RAD1: variants seen among roughly 807,000 people sequenced by gnomAD.
RAD1 encodes cell cycle checkpoint protein RAD1.
In RAD1, 21 loss-of-function variants were observed where a neutral mutation model predicts 30.0. The ratio of observed to expected loss-of-function variants is 0.70; its 90% CI spans 0.50 to 1.01. RAD1 has a LOEUF of 1.01. Among genes scored for constraint, RAD1 ranks in the 50% least tolerant of loss-of-function variants. RAD1 has a pLI of 0.00. For synonymous variants in RAD1, 109 were observed against 113.6 expected, an observed-to-expected ratio of 0.96 and a Z score of 0.26; for missense variants, 329 against 329.0, an observed-to-expected ratio of 1.00 and a Z score of 0.00.
Position 34,914,743 on chromosome 5 carries a change from T to A in RAD1, c.150A>T (p.Lys50Asn). Reference protein sequence around the residue: ...ATCFATKNGIKVTVENAKCVQ... With the variant: ...ATCFATKNGINVTVENAKCVQ... ...CACACTTTGCATTTTCCACTGTTACTTTGATACCATTTTTAGTTGCGAAAC... is the reference window on the plus strand; with the variant it reads ...CACACTTTGCATTTTCCACTGTTACATTGATACCATTTTTAGTTGCGAAAC... The change falls in exon 2 of 6, where the codon AAA becomes AAT. Residue 50 changes from lysine (K) to asparagine (N), a missense_variant. Lys to Asn is a moderately conservative substitution (Grantham distance 94). Transcript: ENST00000382038. 6.2e-7 allele frequency: 1 copy of A among 1,614,258 alleles called. No individual in the cohort carries two copies. The highest frequency in any genetic ancestry group is 1.1e-5 in the South Asian group (1 of 91,088).
intron 2 of RAD1, 31 bp from the exon 3 acceptor site, chr5:34,913,609 C>T (rs1763920503): frequency 7.3e-7 from 1 of 1,367,568 alleles, no homozygotes; most frequent in Non-Finnish European, 1.0e-6. Context: ...AAAATTGTTA[C>T]ATAAAAGAAT....
chr5:34,905,673 CT>C lies in RAD1; in HGVS notation c.*3091del, dbSNP rs1455233382. ...ACTTCAAAAAGACAGAACTAAAAGT[CT>C]TTAAATATAAGACTGTATTCTTCTA... On this transcript the variant is annotated 3_prime_UTR_variant, in exon 6 of 6. Coordinates refer to ENST00000382038, the MANE Select transcript of RAD1 (RefSeq NM_002853.4). The C allele has an allele frequency of 6.6e-6, 1 of 152,088 alleles. No individual in the cohort carries two copies. Among genetic ancestry groups the C allele is most frequent in the Non-Finnish European group, 1.5e-5 (1 of 68,022 alleles). The allele number at this position is 152,088 out of a possible 1,614,324, so 9.4% of individuals were successfully genotyped here.
chr5:34,913,659 G>GT (rs1418979349), intron 2 of RAD1, 81 bp from the exon 3 acceptor site: 1 of 815,214 alleles, frequency 1.2e-6, no homozygotes. Context: ...CACTTTATAC[G>GT]TTTAAAAAAT....
At chr5:34,909,977 G>A (rs1404554837) in intron 4 of RAD1, among the ~76,000 whole-genome samples, 1 of 152,082 alleles carries the variant, frequency 6.6e-6, no homozygotes, top group Non-Finnish European at 1.5e-5. Context: ...CATCTTCCAG[G>A]TGTGGTTTTC....
chr5:34,914,619 T>C, intron 2 of RAD1, 76 bp downstream of exon 2: 1 of 1,408,918 alleles, frequency 7.1e-7, no homozygotes. Context: ...TTATTTTGTC[T>C]ACTGAAACCT....
intron 4 of RAD1, among the ~76,000 whole-genome samples, chr5:34,909,989 TGG>T (rs1763780860): frequency 6.6e-6 from 1 of 152,176 alleles, no homozygotes; most frequent in South Asian, 2.1e-4. Context: ...GTGGTTTTCC[TGG>T]GGTCCATCTT....
chr5:34,908,785 C>G lies in RAD1; in HGVS notation c.829G>C (p.Val277Leu), dbSNP rs769729386. 1.2e-6 allele frequency: 2 copies of G among 1,602,820 alleles called. No homozygotes were observed. Among genetic ancestry groups the G allele is most frequent in the East Asian group, 4.5e-5 (2 of 44,742 alleles). ...CATACTCAAGACTCAGATTCAGGAA[C>G]TTCTTCATCAGGGCAGCAGTAATAT... ...VEYYCCPDEE[V>L]PESES Residue 277 changes from valine (V) to leucine (L), a missense_variant, in exon 6 of 6, where the codon GTT becomes CTT. Val to Leu is a conservative substitution (Grantham distance 32). Coordinates refer to ENST00000382038, the MANE Select transcript of RAD1 (RefSeq NM_002853.4).
Position 34,908,514 on chromosome 5 carries a change from G to A in RAD1, c.*251C>T, listed in dbSNP as rs1763723929. On this transcript the variant is annotated 3_prime_UTR_variant, in exon 6 of 6. Coordinates refer to ENST00000382038, the MANE Select transcript of RAD1 (RefSeq NM_002853.4). ...TACGCTGACTCACAATTATTCCCAT[G>A]AGTTCAAAAGACAGAACTAAAGGAC... 3.3e-6 allele frequency: 1 copy of A among 306,122 alleles called. No homozygotes were observed. Among genetic ancestry groups the A allele is most frequent in the Non-Finnish European group, 6.0e-6 (1 of 166,542 alleles). The allele number at this position is 306,122 out of a possible 1,614,324, so 19.0% of individuals were successfully genotyped here. A position where few individuals can be genotyped will look rare whatever the true frequency, so the allele number is the denominator to read the frequency against.
chr5:34,908,883 C>T lies in RAD1; in HGVS notation c.731G>A (p.Arg244Gln), dbSNP rs770006907. 6.2e-6 allele frequency: 10 copies of T among 1,612,850 alleles called. No individual in the cohort carries two copies. Among genetic ancestry groups the T allele is most frequent in the South Asian group, 5.5e-5 (5 of 91,000 alleles). Residue 244 changes from arginine (R) to glutamine (Q), a missense_variant, in exon 6 of 6, where the codon CGG (arginine) becomes CAG (glutamine). Arg to Gln is a conservative substitution (Grantham distance 43, BLOSUM62 1). Coordinates refer to ENST00000382038, the MANE Select transcript of RAD1 (RefSeq NM_002853.4). Reference sequence around the variant, plus strand: ...TGAAAGGAAGCCTCTGTTATCTGTCCGAATAGATACCTTACAAGATAGGAC... The same window carrying T: ...TGAAAGGAAGCCTCTGTTATCTGTCTGAATAGATACCTTACAAGATAGGAC... Reference protein sequence around the residue: ...ALVLSCKVSIRTDNRGFLSLQ... With the variant: ...ALVLSCKVSIQTDNRGFLSLQ...
At chr5:34,915,389 C>T (rs182659819) in intron 1 of RAD1, 27 bp downstream of exon 1, 3 of 249,984 alleles carry the variant, frequency 1.2e-5, no homozygotes, top group Admixed American at 1.0e-4. Context: ...TTACTAGTCT[C>T]GGGGTCCCCG....
In RAD1 at chr5:34,914,836, G is replaced by A. The variant is rs1763989424; in HGVS notation, c.57C>T (p.Ala19=). 1 of 1,614,208 alleles carries A rather than the reference G, an allele frequency of 6.2e-7. No individual in the cohort carries two copies. The highest frequency in any genetic ancestry group is 1.7e-5 in the Admixed American group (1 of 60,020). ...QDEDDQYSLV[A]SLDNVRNLST... is the part of the protein sequence containing the mutation. ...AGAGATTCCTAACGTTGTCAAGGCTGGCCACAAGGCTGTACTGATCATCCT... is the reference window on the plus strand; with the variant it reads ...AGAGATTCCTAACGTTGTCAAGGCTAGCCACAAGGCTGTACTGATCATCCT... The change falls in exon 2 of 6, where the codon GCC becomes GCT. Residue 19 remains alanine, a synonymous_variant. Transcript: ENST00000382038.
rs1763724716 is a variant in RAD1 at position 34,908,548 on chromosome 5, A to C, written c.*217T>G. On this transcript the variant is annotated 3_prime_UTR_variant, in exon 6 of 6. Coordinates refer to ENST00000382038, the MANE Select transcript of RAD1 (RefSeq NM_002853.4). ...AGACAGAACTAAAGGACAGTCCTGA[A>C]TAATCTATGACTACAGGAAAACATT... is the stretch of plus-strand genomic sequence containing the variant. 2.3e-6 allele frequency: 1 copy of C among 441,498 alleles called. No individual in the cohort carries two copies. Among genetic ancestry groups the C allele is most frequent in the Middle Eastern group, 6.1e-4 (1 of 1,634 alleles). The allele number at this position is 441,498 out of a possible 1,614,324, so 27.3% of individuals were successfully genotyped here. A position where few individuals can be genotyped will look rare whatever the true frequency, so the allele number is the denominator to read the frequency against.
rs1207741252 is a variant in RAD1, at chr5:34,907,800, TTTGGTGA to T, written c.*958_*964del. The T allele has an allele frequency of 8.5e-5, 13 of 152,356 alleles. No homozygotes were observed. Among genetic ancestry groups the T allele is most frequent in the African/African-American group, 3.1e-4 (13 of 41,578 alleles). 9.4% of individuals were successfully genotyped at this position (152,356 alleles called of 1,614,324 possible). On this transcript the variant is annotated 3_prime_UTR_variant, in exon 6 of 6. Coordinates refer to ENST00000382038, the MANE Select transcript of RAD1 (RefSeq NM_002853.4). ...TCACATAAAGAATTGTTCAGACTTG[TTTGGTGA>T]TGCCTCAACTTCAGAACATTTGCAA...
Position 34,913,516 on chromosome 5 carries a change from A to C in RAD1, c.261T>G (p.Thr87=). The C allele has an allele frequency of 1.2e-6, 2 of 1,604,444 alleles. No homozygotes were observed. Among genetic ancestry groups the C allele is most frequent in the East Asian group, 2.2e-5 (1 of 44,740 alleles). ...EESVTFRINL[T]VLLDCLSIFG... Reference sequence around the variant, plus strand: ...AAATAGATAAACAGTCTAAAAGGACAGTTAAATTAATTCGAAAAGTAACAG... The same window carrying C: ...AAATAGATAAACAGTCTAAAAGGACCGTTAAATTAATTCGAAAAGTAACAG... Residue 87 remains threonine (T), a synonymous_variant, in exon 3 of 6, where the codon ACT becomes ACG. Transcript: ENST00000382038.
rs932735313 is a variant in RAD1, at chr5:34,915,175, G to A, written c.-69-214C>T. Reference sequence around the variant, plus strand: ...AGAGGACAATAACGTGAAAAGTTGTGAAGAATGAAGACACGCAACTGACAC... The same window carrying A: ...AGAGGACAATAACGTGAAAAGTTGTAAAGAATGAAGACACGCAACTGACAC... On this transcript the variant is annotated intron_variant, in intron 1 of 5. Transcript: ENST00000382038. Among the ~76,000 whole-genome samples the A allele has an allele frequency of 3.3e-5, 5 of 152,328 alleles. No individual in the cohort carries two copies. In the East Asian group the frequency reaches 9.7e-4, roughly 29 times the overall value.
intron 4 of RAD1, 91 bp downstream of exon 4, chr5:34,911,463 G>A (rs1030836117): frequency 4.1e-6 from 6 of 1,452,224 alleles, no homozygotes; most frequent in Non-Finnish European, 5.6e-6. Context: ...CTAAAAATGT[G>A]GATAATAAAA....
chr5:34,915,004 G>T, intron 1 of RAD1, 43 bp from the exon 2 acceptor site: 2 of 1,214,574 alleles, frequency 1.6e-6, no homozygotes, highest in South Asian at 1.4e-5. Context: ...TGCTGGCGAG[G>T]TCCGGCGAGC....
At chr5:34,914,396 A>G (rs1580508573) in intron 2 of RAD1, 2 of 364,830 alleles carry the variant, frequency 5.5e-6, no homozygotes, top group East Asian at 1.2e-4. Flanking sequence ...TAAATAAGTT[A>G]AACAATAAGA....
rs1029330045 is a variant in RAD1, at chr5:34,911,874, G to A, written c.308-62C>T. 2.1e-5 allele frequency: 32 copies of A among 1,535,556 alleles called. No homozygotes were observed. The South Asian group carries it at 2.7e-4, about 13-fold the overall frequency. On this transcript the variant is annotated intron_variant, in intron 3 of 5. Transcript: ENST00000382038. The stretch of plus-strand genomic sequence containing the variant: ...ATAGTTCTGGGTTCAGCTTCTCCTC[G>A]AAATGATACATAAAATTTCTCAAGA...
Sources: allele counts gnomAD v4.1 joint callset (sites outside exome capture counted in the v4.1 genomes callset), GRCh38; gene constraint gnomAD v4.1.1; transcripts MANE v1.5; gene names NCBI Gene and HGNC (gene_info 2026-07-23, HGNC 2026-07-21).